Variants in TOPBP1 observed in about 807,000 individuals in gnomAD.
TOPBP1 encodes DNA topoisomerase 2-binding protein 1.
In TOPBP1, 28 loss-of-function variants were observed where a neutral mutation model predicts 167.7. That is an observed-to-expected ratio of 0.17 (90% CI 0.12 to 0.23). TOPBP1 has a LOEUF of 0.23. Among genes scored for constraint, TOPBP1 ranks in the 10% least tolerant of loss-of-function variants. TOPBP1 has a pLI of 1.00. For synonymous variants in TOPBP1, 598 were observed against 611.4 expected (o/e 0.98, Z 0.32); for missense variants, 1,554 against 1,809.6 (o/e 0.86, Z 2.56).
Position 133,623,403 on chromosome 3 carries a change from G to C in TOPBP1, c.2983C>G (p.Pro995Ala), listed in dbSNP as rs756880263. ...GCGCTGATATCCAAGCTCATTTTGG[G>C]ATTATAAGTATGTGGATAAAGAGAT... is the stretch of plus-strand genomic sequence containing the variant. ...PESLYPHTYN[P>A]KMSLDISAVQ... Residue 995 changes from proline (P) to alanine (A), a missense_variant, in exon 18 of 28, where the codon CCC (proline) becomes GCC (alanine). Pro to Ala is a conservative substitution (Grantham distance 27). Coordinates refer to ENST00000260810, the MANE Select transcript of TOPBP1 (RefSeq NM_007027.4). The C allele has an allele frequency of 2.5e-6, 4 of 1,612,892 alleles. No homozygotes were observed. The South Asian group carries it at 4.4e-5, about 18-fold the overall frequency.
At chr3:133,660,991 CACTT>C (rs1936687873) in intron 2 of TOPBP1, 49 bp downstream of exon 2, 1 of 1,368,800 alleles carries the variant, frequency 7.3e-7, no homozygotes, top group Non-Finnish European at 9.9e-7. Context: ...AAATCAAAAA[CACTT>C]AAAAACAAGA....
intron 26 of TOPBP1, 35 bp from the exon 27 acceptor site, chr3:133,608,731 A>C: frequency 1.2e-6 from 2 of 1,607,208 alleles, no homozygotes; most frequent in Non-Finnish European, 1.7e-6. Context: ...ACAATCTACC[A>C]GTATTCCAAA....
intron 21 of TOPBP1, 133 bp downstream of exon 21, chr3:133,618,080 A>C (rs769671476): frequency 6.8e-6 from 5 of 739,698 alleles, no homozygotes; most frequent in East Asian, 5.5e-5. Flanking sequence ...GTTTAAACCA[A>C]AACCAGAAAT....
At chr3:133,657,560 T>C (rs956993386) in intron 4 of TOPBP1, among the ~76,000 whole-genome samples, 4 of 152,108 alleles carry the variant, frequency 2.6e-5, no homozygotes, top group African/African-American at 9.7e-5. Flanking sequence ...GAGTGTCCTT[T>C]TAAATTAAAA....
rs1049137501 is a variant in TOPBP1 at position 133,618,509 on chromosome 3, A to G, written c.3372-76T>C. 4.2e-6 allele frequency: 6 copies of G among 1,431,198 alleles called. No individual in the cohort carries two copies. In the African/African-American group the frequency reaches 8.5e-5, roughly 20 times the overall value. 88.7% of individuals were successfully genotyped at this position (1,431,198 alleles called of 1,614,324 possible). On this transcript the variant is annotated intron_variant, in intron 20 of 27. Coordinates refer to ENST00000260810, the MANE Select transcript of TOPBP1 (RefSeq NM_007027.4). ...TCATTAAATCCATAAGTTAGACCAT[A>G]AAAGTTGTGGCTCACCTTTATATGC...
chr3:133,601,358 TG>T lies in TOPBP1; in HGVS notation c.4460del (p.Pro1487GlnfsTer47). The T allele has an allele frequency of 6.4e-7, 1 of 1,567,744 alleles. No homozygotes were observed. The highest frequency in any genetic ancestry group is 8.6e-7 in the Non-Finnish European group (1 of 1,157,942). On this transcript the variant is annotated frameshift_variant, in exon 28 of 28. Transcript: ENST00000260810. LOFTEE classifies it high-confidence loss of function. ...TATTCTGAATAAATGAAATAGCTTC[TG>T]GTAGACAGTAATTTTCTACATGAGG... is the stretch of plus-strand genomic sequence containing the variant. ...SPPHVENYCL[P>X]EAISFIQNNK...
intron 25 of TOPBP1, among the ~76,000 whole-genome samples, chr3:133,609,512 T>A (rs1024608566): frequency 6.6e-6 from 1 of 152,200 alleles, no homozygotes; most frequent in Non-Finnish European, 1.5e-5. Context: ...CCACCCAAAA[T>A]CTCATCTTGA....
rs1454420255 is a variant in TOPBP1 at position 133,644,421 on chromosome 3, C to G, written c.1505-58G>C. ...CAATTTACCTTATACAGTTTACTTC[C>G]TAGCAAGGATATTAACGTAACATGG... On this transcript the variant is annotated intron_variant, in intron 10 of 27. Coordinates refer to ENST00000260810, the MANE Select transcript of TOPBP1 (RefSeq NM_007027.4). 6.4e-6 allele frequency: 9 copies of G among 1,402,126 alleles called. No homozygotes were observed. The African/African-American group carries it at 1.3e-4, about 20-fold the overall frequency. 86.9% of individuals were successfully genotyped at this position (1,402,126 alleles called of 1,614,324 possible).
chr3:133,657,553 T>G (rs1467058647), intron 4 of TOPBP1, among the ~76,000 whole-genome samples: 2 of 152,082 alleles, frequency 1.3e-5, no homozygotes, highest in Non-Finnish European at 2.9e-5. Context: ...AAAAAATGAG[T>G]GTCCTTTTAA....
chr3:133,658,259 G>A (rs1250421833), intron 3 of TOPBP1, among the ~76,000 whole-genome samples: 1 of 152,102 alleles, frequency 6.6e-6, no homozygotes, highest in Admixed American at 6.6e-5. Flanking sequence ...CTGAGGTCAG[G>A]AGTTCGAGAC....
At chr3:133,628,036 T>C (rs770977332) in intron 16 of TOPBP1, 24 of 233,670 alleles carry the variant, frequency 1.0e-4, no homozygotes, top group Non-Finnish European at 1.7e-4. Context: ...TAATAGACTC[T>C]AAACTCCTTG....
chr3:133,632,851 C>T (rs140878201), intron 14 of TOPBP1, among the ~76,000 whole-genome samples: 312 of 152,252 alleles, frequency 2.0e-3, no homozygotes, highest in African/African-American at 6.0e-3. Context: ...CTGCCCACTG[C>T]GTCCTCTATC....
intron 10 of TOPBP1, 76 bp from the exon 11 acceptor site, chr3:133,644,439 T>A: frequency 7.8e-7 from 1 of 1,280,412 alleles, no homozygotes; most frequent in Non-Finnish European, 1.1e-6. Flanking sequence ...GATATTAACG[T>A]AACATGGAAT....
Position 133,605,002 on chromosome 3 carries a change from A to C in TOPBP1, c.4425+3533T>G, listed in dbSNP as rs921835245. On this transcript the variant is annotated intron_variant, in intron 27 of 27. Transcript: ENST00000260810. ...AGGACTTTGGGAAGCCGTGGGGATC[A>C]CTTAAGCCCAGCATGGTGAAACCCC... Among the ~76,000 whole-genome samples, 50 of 151,828 alleles carry C rather than the reference A, an allele frequency of 3.3e-4. 2 individuals are homozygous for C. Among genetic ancestry groups the C allele is most frequent in the Middle Eastern group, 3.4e-3 (1 of 292 alleles).
intron 16 of TOPBP1, among the ~76,000 whole-genome samples, chr3:133,626,166 C>T (rs1303027294): frequency 6.6e-6 from 1 of 152,216 alleles, no homozygotes; most frequent in African/African-American, 2.4e-5. Flanking sequence ...TATGTGAAAG[C>T]AGTCATAGGC....
At chr3:133,626,786 A>G (rs914682140) in intron 16 of TOPBP1, among the ~76,000 whole-genome samples, 1 of 152,206 alleles carries the variant, frequency 6.6e-6, no homozygotes, top group Admixed American at 6.5e-5. Flanking sequence ...TATTTCTCCT[A>G]TGCATCACAG....
chr3:133,633,434 T>G (rs1213522746), intron 14 of TOPBP1, among the ~76,000 whole-genome samples: 1 of 152,158 alleles, frequency 6.6e-6, no homozygotes, highest in Non-Finnish European at 1.5e-5. Context: ...CTCTTATAGC[T>G]CCTTCTCAGT....
intron 14 of TOPBP1, among the ~76,000 whole-genome samples, chr3:133,629,652 G>A (rs1425860105): frequency 6.6e-6 from 1 of 152,112 alleles, no homozygotes; most frequent in African/African-American, 2.4e-5. Flanking sequence ...TTTTCCAAAC[G>A]TGCTTGATAT....
intron 27 of TOPBP1, among the ~76,000 whole-genome samples, chr3:133,602,476 G>T (rs574870104): frequency 3.2e-4 from 49 of 152,288 alleles, no homozygotes; most frequent in African/African-American, 1.1e-3. Context: ...ATACATGAGG[G>T]TAATTATAAA....
Sources: allele counts gnomAD v4.1 joint callset (sites outside exome capture counted in the v4.1 genomes callset), GRCh38; gene constraint gnomAD v4.1.1; transcripts MANE v1.5; gene names NCBI Gene and HGNC (gene_info 2026-07-23, HGNC 2026-07-21).